The following TAF6L variants were observed in gnomAD, a reference collection of about 807,000 sequenced individuals.
TAF6L encodes the protein TAF6-like RNA polymerase II p300/CBP-associated factor-associated factor 65 kDa subunit 6L.
In TAF6L, 34 loss-of-function variants were observed where a neutral mutation model predicts 57.3. The observed-to-expected ratio is 0.59, with a 90% CI of 0.45 to 0.79. The LOEUF (loss-of-function observed/expected upper bound fraction) is 0.79. Among genes scored for constraint, TAF6L ranks in the 30% least tolerant of loss-of-function variants. The probability of loss-of-function intolerance (pLI) is 0.00; values close to 1 mark genes in which losing one functional copy is unlikely to be tolerated. For synonymous variants in TAF6L, 417 were observed against 376.3 expected, an observed-to-expected ratio of 1.11 and a Z score of -1.25; for missense variants, 782 against 853.2, an observed-to-expected ratio of 0.92 and a Z score of 1.04.
chr11:62,776,572 C>T (rs2084189789), intron 3 of TAF6L, 102 bp downstream of exon 3: 3 of 1,185,884 alleles, frequency 2.5e-6, no homozygotes, highest in Admixed American at 1.9e-5. Context: ...CAAACGCTGC[C>T]GGGCATGGTG....
At chr11:62,779,019 GTTTTT>G in intron 6 of TAF6L, 56 bp downstream of exon 6, 112 of 931,920 alleles carry the variant, frequency 1.2e-4, no homozygotes, top group East Asian at 2.9e-4. Context: ...TTCTAGACCT[GTTTTT>G]TTTTTTTTTT....
intron 9 of TAF6L, among the ~76,000 whole-genome samples, chr11:62,784,309 T>C (rs1176710782): frequency 2.1e-5 from 3 of 141,048 alleles, no homozygotes; most frequent in African/African-American, 7.9e-5. Flanking sequence ...ATTCTTAATT[T>C]TTTTTTTTTT....
chr11:62,771,771 T>C (rs2084149552), intron 1 of TAF6L: 1 of 222,424 alleles, frequency 4.5e-6, no homozygotes, highest in Non-Finnish European at 9.3e-6. Flanking sequence ...GAGAGGAGGC[T>C]GAGGAGCGGG....
rs1590934983 is a variant in TAF6L at position 62,779,790 on chromosome 11, C to CG, written c.531+827_531+828insG. 4.0e-5 allele frequency among the ~76,000 whole-genome samples: 6 copies of CG among 150,856 alleles called. No individual in the cohort carries two copies. The East Asian group carries it at 1.2e-3, about 30-fold the overall frequency. On this transcript the variant is annotated intron_variant, in intron 6 of 10. Coordinates refer to ENST00000294168, the MANE Select transcript of TAF6L (RefSeq NM_006473.4). ...AAGCAATTCTCCCACCTCAGCTTCC[C>CG]AAGTAGCTGGGATTACAGGGGCATA...
In TAF6L at chr11:62,777,936, C is replaced by T. The variant is rs748466029; in HGVS notation, c.235-42C>T. The T allele has an allele frequency of 6.8e-6, 11 of 1,606,922 alleles. No homozygotes were observed. The Admixed American group carries it at 8.4e-5, about 12-fold the overall frequency. Reference sequence around the variant, plus strand: ...CATCCTGGATCCTGACGCCTGCTCCCTCCCTGGATTCAGGCTGCTCTCCAA... The same window carrying T: ...CATCCTGGATCCTGACGCCTGCTCCTTCCCTGGATTCAGGCTGCTCTCCAA... On this transcript the variant is annotated intron_variant, in intron 3 of 10. Transcript: ENST00000294168.
chr11:62,786,610 C>CTAGG lies in TAF6L; in HGVS notation c.1184_1185insAGGT (p.Pro396GlyfsTer56). The CTAGG allele has an allele frequency of 6.3e-7, 1 of 1,590,090 alleles. No homozygotes were observed. Among genetic ancestry groups the CTAGG allele is most frequent in the East Asian group, 2.2e-5 (1 of 44,664 alleles). On this transcript the variant is annotated frameshift_variant, in exon 11 of 11. Coordinates refer to ENST00000294168, the MANE Select transcript of TAF6L (RefSeq NM_006473.4). LOFTEE classifies it high-confidence loss of function. ...CAGGGGGTGCCGGCGCCTGGACGAC[C>CTAGG]TGCCATGGGACAGCCTTCTCTTTCA...
rs2084286538 is a variant in TAF6L at position 62,787,012 on chromosome 11, C to T, written c.1585C>T (p.Arg529Trp). Residue 529 changes from arginine (R) to tryptophan (W), a missense_variant, in exon 11 of 11, where the codon CGG becomes TGG. Coordinates refer to ENST00000294168, the MANE Select transcript of TAF6L (RefSeq NM_006473.4). ...SESRPLPRVH[R>W]ARGAPRQQGP... ...GAGCAGGCCCTTGCCGCGCGTGCAT[C>T]GGGCGCGCGGGGCACCCCGGCAGCA... is the stretch of plus-strand genomic sequence containing the variant. The T allele has an allele frequency of 2.0e-6, 3 of 1,487,254 alleles. No homozygotes were observed. The highest frequency in any genetic ancestry group is 2.7e-6 in the Non-Finnish European group (3 of 1,128,166). 92.1% of individuals were successfully genotyped at this position (1,487,254 alleles called of 1,614,324 possible). A position where few individuals can be genotyped will look rare whatever the true frequency, so the allele number is the denominator to read the frequency against.
At chr11:62,782,952 A>G (rs776325829) in intron 9 of TAF6L, 127 bp downstream of exon 9, 14 of 1,384,004 alleles carry the variant, frequency 1.0e-5, no homozygotes, top group Non-Finnish European at 1.4e-5. Flanking sequence ...TTCTGGCCTT[A>G]GGCCAGGCTC....
chr11:62,777,923 T>G, intron 3 of TAF6L, 55 bp from the exon 4 acceptor site: 1 of 1,593,298 alleles, frequency 6.3e-7, no homozygotes, highest in Non-Finnish European at 8.6e-7. Flanking sequence ...TCCTGGATCC[T>G]GACGCCTGCT....
intron 1 of TAF6L, among the ~76,000 whole-genome samples, chr11:62,773,610 G>A (rs1324779173): frequency 6.6e-6 from 1 of 151,956 alleles, no homozygotes; most frequent in African/African-American, 2.4e-5. Context: ...ACCACACCTG[G>A]CTAATTTTGT....
At chr11:62,781,829 G>A in intron 6 of TAF6L, 65 bp from the exon 7 acceptor site, 1 of 1,341,074 alleles carries the variant, frequency 7.5e-7, no homozygotes, top group Non-Finnish European at 1.1e-6. Flanking sequence ...TCTTCCAGAA[G>A]AATACCGCAT....
Position 62,787,160 on chromosome 11 carries a change from T to C in TAF6L, c.1733T>C (p.Phe578Ser). The change falls in exon 11 of 11, where the codon TTC (phenylalanine) becomes TCC (serine). Residue 578 changes from phenylalanine to serine, a missense_variant. Coordinates refer to ENST00000294168, the MANE Select transcript of TAF6L (RefSeq NM_006473.4). The part of the protein sequence containing the change: ...QAGRRCRGRL[F>S]QTAFPAPYGP... ...GGGAGGCGCTGCCGCGGGCGCCTTT[T>C]CCAGACTGCCTTCCCCGCGCCGTAC... 4 of 1,579,776 alleles carry C rather than the reference T, an allele frequency of 2.5e-6. No individual in the cohort carries two copies. The highest frequency in any genetic ancestry group is 3.4e-6 in the Non-Finnish European group (4 of 1,172,138).
intron 2 of TAF6L, 112 bp from the exon 3 acceptor site, chr11:62,776,272 C>T (rs1025726779): frequency 3.7e-6 from 4 of 1,072,466 alleles, no homozygotes; most frequent in South Asian, 1.3e-5. Context: ...CTTCTGATCC[C>T]TAAGCGTGGT....
intron 6 of TAF6L, among the ~76,000 whole-genome samples, chr11:62,781,516 T>A (rs531597847): frequency 1.3e-5 from 2 of 150,068 alleles, no homozygotes; most frequent in East Asian, 4.0e-4. Flanking sequence ...TACTAAAAAA[T>A]AGAAAAAATT....
rs1590936589 is a variant in TAF6L at position 62,782,266 on chromosome 11, A to C, written c.760A>C (p.Ile254Leu). The C allele has an allele frequency of 1.2e-6, 2 of 1,614,170 alleles. No individual in the cohort carries two copies. The highest frequency in any genetic ancestry group is 1.7e-6 in the Non-Finnish European group (2 of 1,180,040). ...YCVLEPLAAS[I>L]NPLNDHWTLR... The stretch of plus-strand genomic sequence containing the variant: ...TGTCCTGGAGCCACTGGCTGCCTCC[A>C]TCAACCCCCTGAATGACCACTGGAC... The change falls in exon 8 of 11, where the codon ATC becomes CTC. Residue 254 changes from isoleucine to leucine, a missense_variant. Transcript: ENST00000294168.
intron 2 of TAF6L, 83 bp from the exon 3 acceptor site, chr11:62,776,301 C>T (rs2084187705): frequency 1.4e-6 from 2 of 1,411,302 alleles, no homozygotes; most frequent in African/African-American, 2.8e-5. Flanking sequence ...TGCCTTCTCT[C>T]CAGTCTGGCC....
intron 1 of TAF6L, among the ~76,000 whole-genome samples, chr11:62,773,120 C>A (rs1322860270): frequency 6.7e-6 from 1 of 148,784 alleles, no homozygotes; most frequent in Non-Finnish European, 1.5e-5. Flanking sequence ...GGATTACAGG[C>A]GTGAGCCACC....
chr11:62,782,947 G>C, intron 9 of TAF6L, 122 bp downstream of exon 9: 1 of 1,427,400 alleles, frequency 7.0e-7, no homozygotes, highest in Non-Finnish European at 9.4e-7. Flanking sequence ...TTGAGTTCTG[G>C]CCTTAGGCCA....
intron 6 of TAF6L, among the ~76,000 whole-genome samples, chr11:62,780,609 T>C (rs2084221607): frequency 6.6e-6 from 1 of 151,866 alleles, no homozygotes; most frequent in Admixed American, 6.6e-5. Flanking sequence ...ATGTTTACTG[T>C]AGAAGTACAT....
Sources: allele counts gnomAD v4.1 joint callset (sites outside exome capture counted in the v4.1 genomes callset), GRCh38; gene constraint gnomAD v4.1.1; transcripts MANE v1.5; gene names NCBI Gene and HGNC (gene_info 2026-07-23, HGNC 2026-07-21).